The following RABEPK variants were observed in gnomAD, a reference collection of about 807,000 sequenced individuals.
RABEPK encodes 40 kDa Rab9 effector protein.
RABEPK carries 27 observed loss-of-function variants against 34.1 expected under a neutral mutation model. The ratio of observed to expected loss-of-function variants is 0.79; its 90% CI spans 0.58 to 1.09. The LOEUF is 1.09. RABEPK is among the 50% of genes least tolerant of loss of function. The pLI, the probability that RABEPK is intolerant of heterozygous loss-of-function variation, is 0.00. For synonymous variants in RABEPK, 172 were observed against 169.2 expected, an observed-to-expected ratio of 1.02 and a Z score of -0.13; for missense variants, 449 against 462.6, an observed-to-expected ratio of 0.97 and a Z score of 0.27.
In RABEPK at chr9:125,220,505, G is replaced by T. The variant is rs759718483; in HGVS notation, c.365-34G>T. The stretch of plus-strand genomic sequence containing the variant: ...TCAAGGTCAGAAGCCCCTCTACCTG[G>T]ATATTTTAAGTGCCTGCATTCTCTC... On this transcript the variant is annotated intron_variant, in intron 4 of 7. Coordinates refer to ENST00000373538, the MANE Select transcript of RABEPK (RefSeq NM_005833.4). 4 of 1,595,428 alleles carry T rather than the reference G, an allele frequency of 2.5e-6. No homozygotes were observed. The East Asian group carries it at 9.0e-5, about 36-fold the overall frequency.
At chr9:125,230,943 A>C (rs1428381850) in intron 6 of RABEPK, among the ~76,000 whole-genome samples, 1 of 152,064 alleles carries the variant, frequency 6.6e-6, no homozygotes, top group African/African-American at 2.4e-5. Flanking sequence ...CTACTTGTTG[A>C]CTATTTTTCC....
At chr9:125,220,167 T>G (rs997674507) in intron 4 of RABEPK, among the ~76,000 whole-genome samples, 1 of 151,970 alleles carries the variant, frequency 6.6e-6, no homozygotes, top group Non-Finnish European at 1.5e-5. Context: ...CCCGGCTAAT[T>G]TTTCAGATTT....
intron 3 of RABEPK, 45 bp from the exon 4 acceptor site, chr9:125,213,325 A>G (rs1830705947): frequency 6.3e-7 from 1 of 1,589,298 alleles, no homozygotes; most frequent in Non-Finnish European, 8.6e-7. Flanking sequence ...AACCAATATA[A>G]TAATTGGCAG....
At chr9:125,221,690 T>C (rs897822725) in intron 5 of RABEPK, 4 of 150,920 alleles carry the variant, frequency 2.7e-5, no homozygotes, top group African/African-American at 9.7e-5. Flanking sequence ...CTTTTTTTTT[T>C]TTTGAGATGG....
At chr9:125,225,069 C>G (rs533914502) in intron 5 of RABEPK, among the ~76,000 whole-genome samples, 1 of 152,154 alleles carries the variant, frequency 6.6e-6, no homozygotes, top group South Asian at 2.1e-4. Context: ...GCCTGGACAA[C>G]ATAGCAAGAC....
chr9:125,214,415 C>T (rs1459075151), intron 4 of RABEPK, among the ~76,000 whole-genome samples: 1 of 152,146 alleles, frequency 6.6e-6, no homozygotes, highest in African/African-American at 2.4e-5. Flanking sequence ...GTCAGTAGTG[C>T]CAAAGTTAAG....
At chr9:125,228,390 C>G (rs1831922499) in intron 6 of RABEPK, among the ~76,000 whole-genome samples, 1 of 152,162 alleles carries the variant, frequency 6.6e-6, no homozygotes, top group African/African-American at 2.4e-5. Context: ...GGTGCAATGG[C>G]TCATGCCTGT....
intron 6 of RABEPK, among the ~76,000 whole-genome samples, chr9:125,231,571 G>A (rs902152585): frequency 6.6e-6 from 1 of 152,072 alleles, no homozygotes; most frequent in African/African-American, 2.4e-5. Flanking sequence ...GGGAGGCCGA[G>A]GTGGGTGGAT....
intron 7 of RABEPK, among the ~76,000 whole-genome samples, chr9:125,233,230 T>G (rs1156369872): frequency 6.6e-6 from 1 of 152,044 alleles, no homozygotes; most frequent in Non-Finnish European, 1.5e-5. Flanking sequence ...TACTCCTGTT[T>G]GTTAGGACTC....
Position 125,203,013 on chromosome 9 carries a change from C to T in RABEPK, c.-1C>T, listed in dbSNP as rs1288873878. ...CCTTTCTTTCTTATGCATAGGACAC[C>T]ATGAAGCAACTGCCAGTCTTGGAAC... is the stretch of plus-strand genomic sequence containing the variant. On this transcript the variant is annotated 5_prime_UTR_variant, in exon 2 of 8. Transcript: ENST00000373538. 8.7e-6 allele frequency: 14 copies of T among 1,613,424 alleles called. No individual in the cohort carries two copies. The highest frequency in any genetic ancestry group is 1.1e-5 in the Non-Finnish European group (13 of 1,179,616).
intron 5 of RABEPK, chr9:125,222,320 GTA>G (rs1285513595): frequency 6.6e-6 from 1 of 151,976 alleles, no homozygotes; most frequent in Non-Finnish European, 1.5e-5. Context: ...ATATGTATGT[GTA>G]TATGTGTGTG....
intron 4 of RABEPK, among the ~76,000 whole-genome samples, chr9:125,218,157 A>G (rs1469802679): frequency 1.3e-5 from 2 of 151,256 alleles, no homozygotes; most frequent in African/African-American, 4.9e-5. Context: ...TAAAAAAAAA[A>G]AAAATACAAA....
intron 5 of RABEPK, among the ~76,000 whole-genome samples, chr9:125,226,454 A>G (rs1831755499): frequency 6.6e-6 from 1 of 152,148 alleles, no homozygotes; most frequent in Non-Finnish European, 1.5e-5. Context: ...GGCTGGGCAC[A>G]GTGGCTCACA....
At chr9:125,222,358 A>C in intron 5 of RABEPK, 1 of 151,916 alleles carries the variant, frequency 6.6e-6, no homozygotes, top group Non-Finnish European at 1.5e-5. Context: ...ATGTACTATC[A>C]CCCCAAAATT....
chr9:125,202,853 A>T (rs1564170092), intron 1 of RABEPK, among the ~76,000 whole-genome samples, 155 bp from the exon 2 acceptor site: 1 of 152,002 alleles, frequency 6.6e-6, no homozygotes, highest in South Asian at 2.1e-4. Context: ...AAATAAATAA[A>T]TAATAAAAAT....
intron 2 of RABEPK, among the ~76,000 whole-genome samples, chr9:125,206,110 C>T (rs190265705): frequency 2.0e-5 from 3 of 152,096 alleles, no homozygotes; most frequent in Admixed American, 2.0e-4. Flanking sequence ...GTCTCAAACA[C>T]CAGAGAGGTC....
chr9:125,207,873 C>G (rs2131373764), intron 3 of RABEPK, 152 bp downstream of exon 3: 1 of 943,600 alleles, frequency 1.1e-6, no homozygotes, highest in Admixed American at 2.7e-5. Flanking sequence ...CGCCTCTAAT[C>G]CCAGCACTTT....
intron 3 of RABEPK, among the ~76,000 whole-genome samples, chr9:125,213,009 G>A (rs145064947): frequency 2.8e-4 from 43 of 152,240 alleles, no homozygotes; most frequent in African/African-American, 1.0e-3. Context: ...AGGAAGTAGA[G>A]CCCAGGATCA....
At chr9:125,229,409 C>G (rs1266147484) in intron 6 of RABEPK, among the ~76,000 whole-genome samples, 1 of 151,838 alleles carries the variant, frequency 6.6e-6, no homozygotes, top group African/African-American at 2.4e-5. Context: ...CCAGCCTAGA[C>G]GACAGAGTGA....
Sources: gnomAD v4.1 joint callset for allele counts (sites outside exome capture counted in the v4.1 genomes callset) on GRCh38, gnomAD v4.1.1 for gene constraint, MANE v1.5 for transcripts, NCBI Gene and HGNC (gene_info 2026-07-23, HGNC 2026-07-21) for gene names.